LRP1B: variants seen among roughly 807,000 people sequenced by gnomAD.
LRP1B encodes the protein LDL receptor related protein 1B.
In LRP1B, 217 loss-of-function variants were observed where a neutral mutation model predicts 556.6. The ratio of observed to expected loss-of-function variants is 0.39; its 90% CI spans 0.35 to 0.44. The LOEUF (loss-of-function observed/expected upper bound fraction) is 0.44, where lower values mean the gene tolerates loss of function less well. Ranked by LOEUF, LRP1B falls within the 20% of genes least tolerant of loss-of-function variation. LRP1B has a pLI of 1.00. For missense variants in LRP1B, 5,053 were observed against 5,620.8 expected (o/e 0.90, Z 3.23); for synonymous variants, 2,047 against 1,865.8 (o/e 1.10, Z -2.50).
At chr2:140,930,148 G>T (rs16844971) in intron 20 of LRP1B, among the ~76,000 whole-genome samples, 7 of 151,988 alleles carry the variant, frequency 4.6e-5, no homozygotes, top group Admixed American at 1.3e-4. Context: ...ATAGATAGCC[G>T]TTGGACTTGT....
intron 20 of LRP1B, among the ~76,000 whole-genome samples, chr2:140,945,958 A>G (rs977052523): frequency 6.6e-5 from 10 of 152,190 alleles, no homozygotes; most frequent in African/African-American, 2.4e-4. Flanking sequence ...CAAACTACAC[A>G]TCTGACAAGG....
intron 41 of LRP1B, chr2:140,683,653 C>T (rs763785186): frequency 2.9e-6 from 2 of 696,108 alleles, no homozygotes; most frequent in African/African-American, 1.8e-5. Flanking sequence ...CCGAGTCCTC[C>T]GCATTTACAG....
At chr2:142,086,859 A>T (rs183242314) in intron 1 of LRP1B, among the ~76,000 whole-genome samples, 27 of 152,334 alleles carry the variant, frequency 1.8e-4, no homozygotes, top group Middle Eastern at 3.4e-3. Flanking sequence ...TAAGAAAATT[A>T]AAAATCTCAT....
intron 3 of LRP1B, among the ~76,000 whole-genome samples, chr2:141,342,421 G>T (rs1416699849): frequency 6.6e-6 from 1 of 151,714 alleles, no homozygotes; most frequent in Non-Finnish European, 1.5e-5. Context: ...ATGGCCAAAA[G>T]GTAATTCACT....
At chr2:140,665,725 C>G (rs139994514) in intron 41 of LRP1B, among the ~76,000 whole-genome samples, 95 of 152,192 alleles carry the variant, frequency 6.2e-4, no homozygotes, top group African/African-American at 2.2e-3. Flanking sequence ...CCCTGAGAAG[C>G]AAGAAAACTG....
intron 2 of LRP1B, among the ~76,000 whole-genome samples, chr2:141,659,124 G>A (rs1690118862): frequency 6.6e-6 from 1 of 152,106 alleles, no homozygotes; most frequent in Non-Finnish European, 1.5e-5. Context: ...GGCTTGTCTC[G>A]AACTTCCGAG....
At chr2:140,634,758 C>T (rs1003426834) in intron 41 of LRP1B, among the ~76,000 whole-genome samples, 1 of 151,832 alleles carries the variant, frequency 6.6e-6, no homozygotes, top group Non-Finnish European at 1.5e-5. Flanking sequence ...TATATAATAC[C>T]CCTGAGTACT....
intron 41 of LRP1B, among the ~76,000 whole-genome samples, chr2:140,674,960 G>T (rs1685619044): frequency 6.6e-6 from 1 of 152,228 alleles, no homozygotes; most frequent in Non-Finnish European, 1.5e-5. Flanking sequence ...TGTCAGCAGA[G>T]CTGCTTCCTT....
In LRP1B at chr2:140,884,029, A is replaced by G; in HGVS notation, c.3965-8T>C. 6.2e-7 allele frequency: 1 copy of G among 1,611,940 alleles called. No homozygotes were observed. The highest frequency in any genetic ancestry group is 8.5e-7 in the Non-Finnish European group (1 of 1,179,614). ...CTTCAATGGCACTGACACCTACAAA[A>G]GAAGGAAAACCAACATGTGCACCCA... On this transcript the variant is annotated splice_region_variant and splice_polypyrimidine_tract_variant and intron_variant, in intron 24 of 90. Coordinates refer to ENST00000389484, the MANE Select transcript of LRP1B (RefSeq NM_018557.3).
At chr2:140,235,009 G>C in intron 89 of LRP1B, 125 bp from the exon 90 acceptor site, 1 of 495,846 alleles carries the variant, frequency 2.0e-6, no homozygotes, top group Non-Finnish European at 3.6e-6. Context: ...CATTTACAGT[G>C]TGTTCATGTT....
At chr2:140,239,395 T>C (rs2104884403) in intron 88 of LRP1B, 47 bp downstream of exon 88, 1 of 1,177,386 alleles carries the variant, frequency 8.5e-7, no homozygotes, top group South Asian at 1.4e-5. Context: ...CTGCACCTAG[T>C]TGTGTGATTT....
At position 140,950,272 on chromosome 2, in the gene LRP1B, G is replaced by C. The variant is rs770626320; in HGVS notation, c.3099C>G (p.Asp1033Glu). The C allele has an allele frequency of 6.2e-7, 1 of 1,608,208 alleles. No individual in the cohort carries two copies. Among genetic ancestry groups the C allele is most frequent in the South Asian group, 1.1e-5 (1 of 89,974 alleles). ...WACDGDNDCGDFSDEAQINCT... is the reference protein window; with the variant it reads ...WACDGDNDCGEFSDEAQINCT... ...AATTGATCTGGGCTTCATCACTGAA[G>C]TCCCCACAGTCATTGTCACCATCAC... Residue 1033 changes from aspartate (D) to glutamate (E), a missense_variant, in exon 20 of 91, where the codon GAC becomes GAG. By Grantham distance (45) the Asp-to-Glu change is conservative. Transcript: ENST00000389484.
intron 18 of LRP1B, among the ~76,000 whole-genome samples, chr2:140,967,539 C>G (rs1208121510): frequency 1.3e-5 from 2 of 152,042 alleles, no homozygotes; most frequent in Non-Finnish European, 2.9e-5. Flanking sequence ...ATTTCTTTCT[C>G]CTGCCTGATT....
At chr2:141,795,259 T>A (rs1172942065) in intron 2 of LRP1B, among the ~76,000 whole-genome samples, 1 of 152,108 alleles carries the variant, frequency 6.6e-6, no homozygotes, top group Non-Finnish European at 1.5e-5. Context: ...GTACCATTTA[T>A]ACTTTTTTTT....
chr2:140,510,368 A>C (rs1014058410), intron 51 of LRP1B, among the ~76,000 whole-genome samples: 1 of 152,242 alleles, frequency 6.6e-6, no homozygotes, highest in Non-Finnish European at 1.5e-5. Context: ...CTGAGATAAC[A>C]TTTCTAAAGG....
chr2:141,266,270 G>A (rs1382624091), intron 3 of LRP1B, among the ~76,000 whole-genome samples: 1 of 148,536 alleles, frequency 6.7e-6, no homozygotes, highest in East Asian at 2.0e-4. Context: ...CTTGCAGTGA[G>A]CAGAGATTGC....
intron 21 of LRP1B, among the ~76,000 whole-genome samples, chr2:140,910,003 TAAAC>T (rs1272919956): frequency 6.6e-6 from 1 of 150,762 alleles, no homozygotes; most frequent in Non-Finnish European, 1.5e-5. Flanking sequence ...AATTTTCTCT[TAAAC>T]AATCCTTTCA....
intron 35 of LRP1B, among the ~76,000 whole-genome samples, chr2:140,743,166 G>A (rs1364090086): frequency 6.6e-6 from 1 of 152,092 alleles, no homozygotes; most frequent in Non-Finnish European, 1.5e-5. Context: ...TGATTTTGGA[G>A]TGGACTAGAA....
At chr2:141,457,629 G>T (rs1474849783) in intron 3 of LRP1B, among the ~76,000 whole-genome samples, 1 of 122,694 alleles carries the variant, frequency 8.2e-6, no homozygotes, top group Admixed American at 9.1e-5. Context: ...GTTCAGATTT[G>T]GTTCATGAAT....
Sources: gnomAD v4.1 joint callset for allele counts (sites outside exome capture counted in the v4.1 genomes callset) on GRCh38, gnomAD v4.1.1 for gene constraint, MANE v1.5 for transcripts, NCBI Gene and HGNC (gene_info 2026-07-23, HGNC 2026-07-21) for gene names.